Variants in PRPF8 observed in about 807,000 individuals in gnomAD.
The protein encoded by PRPF8 is pre-mRNA-processing-splicing factor 8.
In PRPF8, 64 loss-of-function variants were observed where a neutral mutation model predicts 285.9. That is an observed-to-expected ratio of 0.22 (90% confidence interval 0.18 to 0.28). The LOEUF (loss-of-function observed/expected upper bound fraction) is 0.28. PRPF8 is among the 10% of genes least tolerant of loss of function. The pLI is 1.00. For missense variants in PRPF8, 1,426 were observed against 3,026.7 expected (o/e 0.47, Z 12.41); for synonymous variants, 1,325 against 1,118.2 (o/e 1.18, Z -3.69).
chr17:1,661,854 T>C lies in PRPF8; in HGVS notation c.4022+52A>G, dbSNP rs371163713. On this transcript the variant is annotated intron_variant, in intron 25 of 42. Transcript: ENST00000304992. This position sits in a 1 kb window ranked among gnomAD's most constrained non-coding sequence, Gnocchi z 7.3. ...GCCTAAAACTAAAGAAATACCCACT[T>C]CCCTTAGGGCCTGAGCAATAGGGTT... The C allele has an allele frequency of 6.2e-7, 1 of 1,613,964 alleles. No individual in the cohort carries two copies. Among genetic ancestry groups the C allele is most frequent in the Admixed American group, 1.7e-5 (1 of 59,978 alleles).
At position 1,673,313 on chromosome 17, in the gene PRPF8, G is replaced by C. The variant is rs1386352091; in HGVS notation, c.3657+44C>G. Reference sequence around the variant, plus strand: ...AAGACTCCGGTGACTGACCCAGGAAGTGCAGGCGCGTTCATGTCACTCCCA... The same window carrying C: ...AAGACTCCGGTGACTGACCCAGGAACTGCAGGCGCGTTCATGTCACTCCCA... On this transcript the variant is annotated intron_variant, in intron 23 of 42. Coordinates refer to ENST00000304992, the MANE Select transcript of PRPF8 (RefSeq NM_006445.4). This position sits in a 1 kb window ranked among gnomAD's most constrained non-coding sequence, Gnocchi z 5.5. 1.9e-6 allele frequency: 3 copies of C among 1,610,266 alleles called. No homozygotes were observed. The highest frequency in any genetic ancestry group is 2.5e-6 in the Non-Finnish European group (3 of 1,177,138).
Position 1,661,179 on chromosome 17 carries a change from G to A in PRPF8, c.4339-17C>T. 1 of 1,614,144 alleles carries A rather than the reference G, an allele frequency of 6.2e-7. No individual in the cohort carries two copies. Among genetic ancestry groups the A allele is most frequent in the Non-Finnish European group, 8.5e-7 (1 of 1,180,042 alleles). On this transcript the variant is annotated splice_polypyrimidine_tract_variant and intron_variant, in intron 27 of 42. Transcript: ENST00000304992. The surrounding 1 kb of genome is among the most constrained non-coding windows in gnomAD (Gnocchi z 7.3). The stretch of plus-strand genomic sequence containing the variant: ...CTTCAAAACCTAGATGGCAAGGCAG[G>A]CACGGTCAAGCTTCTGGGTGCCTAT...
intron 24 of PRPF8, among the ~76,000 whole-genome samples, chr17:1,672,362 G>A (rs1430763079): frequency 2.0e-5 from 3 of 152,096 alleles, no homozygotes; most frequent in Non-Finnish European, 2.9e-5. Context: ...TCACAGCAAC[G>A]TCCGCCTCCT....
chr17:1,665,079 G>C (rs574505452), intron 24 of PRPF8, among the ~76,000 whole-genome samples: 6 of 146,044 alleles, frequency 4.1e-5, no homozygotes, highest in South Asian at 2.2e-4. Context: ...AGAATCGCTT[G>C]AACAGGGTAG....
At position 1,665,980 on chromosome 17, in the gene PRPF8, G is replaced by A. The variant is rs540982831; in HGVS notation, c.3775-3827C>T. On this transcript the variant is annotated intron_variant, in intron 24 of 42. Transcript: ENST00000304992. Reference sequence around the variant, plus strand: ...AGATCGAGACCATCCTCGCAAACACGGTGAAACCGCGTCGTAGTAAAAATA... The same window carrying A: ...AGATCGAGACCATCCTCGCAAACACAGTGAAACCGCGTCGTAGTAAAAATA... Among the ~76,000 whole-genome samples the A allele has an allele frequency of 8.0e-5, 7 of 87,092 alleles. No homozygotes were observed. The East Asian group carries it at 1.8e-3, about 22-fold the overall frequency. 57.1% of individuals were successfully genotyped at this position (87,092 alleles called of 152,430 possible). A position where few individuals can be genotyped will look rare whatever the true frequency, so the allele number is the denominator to read the frequency against.
chr17:1,678,264 A>G (rs1912717203), intron 13 of PRPF8, among the ~76,000 whole-genome samples: 1 of 152,144 alleles, frequency 6.6e-6, no homozygotes, highest in Non-Finnish European at 1.5e-5. Flanking sequence ...GTGGTGAGCC[A>G]AGATCGTGCC....
At chr17:1,671,181 T>G (rs1165501973) in intron 24 of PRPF8, among the ~76,000 whole-genome samples, 4 of 152,212 alleles carry the variant, frequency 2.6e-5, no homozygotes, top group African/African-American at 9.6e-5. Flanking sequence ...CTCACCTGTC[T>G]CATCACATGC....
In PRPF8 at chr17:1,659,737, G is replaced by A. The variant is rs978018428; in HGVS notation, c.4946+104C>T. The A allele has an allele frequency of 6.8e-6, 10 of 1,479,626 alleles. No homozygotes were observed. The highest frequency in any genetic ancestry group is 1.4e-5 in the African/African-American group (1 of 71,904). The allele number at this position is 1,479,626 out of a possible 1,614,324, so 91.7% of individuals were successfully genotyped here. A position where few individuals can be genotyped will look rare whatever the true frequency, so the allele number is the denominator to read the frequency against. Reference sequence around the variant, plus strand: ...GCTCCAAGCGTAGCACTGGCTCCAAGTTTGAAACAAAGGCAGACAGGACAA... The same window carrying A: ...GCTCCAAGCGTAGCACTGGCTCCAAATTTGAAACAAAGGCAGACAGGACAA... On this transcript the variant is annotated intron_variant, in intron 31 of 42. Transcript: ENST00000304992. The surrounding 1 kb of genome is among the most constrained non-coding windows in gnomAD (Gnocchi z 5.1).
In PRPF8 at chr17:1,674,668, T is replaced by C; in HGVS notation, c.3073A>G (p.Thr1025Ala). 1 of 1,613,718 alleles carries C rather than the reference T, an allele frequency of 6.2e-7. No individual in the cohort carries two copies. Among genetic ancestry groups the C allele is most frequent in the Non-Finnish European group, 8.5e-7 (1 of 1,179,774 alleles). The change falls in exon 21 of 43, where the codon ACG (threonine) becomes GCG (alanine). Residue 1025 changes from threonine to alanine, a missense_variant. This residue lies in a region of PRPF8 where 32 missense variants were observed against 89.2 expected (regional missense o/e 0.36). Transcript: ENST00000304992. The part of the protein sequence containing the change: ...VVINYKDMNH[T>A]NSYGIIRGLQ... Reference sequence around the variant, plus strand: ...CCTCTGATGATCCCATATGAATTCGTATGGTTCATGTCCTAGAAAGAAAGA... The same window carrying C: ...CCTCTGATGATCCCATATGAATTCGCATGGTTCATGTCCTAGAAAGAAAGA...
At chr17:1,655,635 T>C (rs1362337812) in intron 36 of PRPF8, 92 bp from the exon 37 acceptor site, 1 of 1,249,026 alleles carries the variant, frequency 8.0e-7, no homozygotes, top group African/African-American at 1.5e-5. Flanking sequence ...GAATTTTTTT[T>C]TTTTCTTTTG....
At position 1,651,856 on chromosome 17, in the gene PRPF8, T is replaced by C. The variant is rs1034039788; in HGVS notation, c.6370-68A>G. ...AGGTCAGAGTTGGAGCTGCCAGCCC[T>C]CTGTTTCCTTCCTTCCCCCAAGAAC... On this transcript the variant is annotated intron_variant, in intron 39 of 42. Transcript: ENST00000304992. This position sits in a 1 kb window ranked among gnomAD's most constrained non-coding sequence, Gnocchi z 5.1. The C allele has an allele frequency of 6.4e-6, 10 of 1,558,538 alleles. No individual in the cohort carries two copies. Among genetic ancestry groups the C allele is most frequent in the South Asian group, 1.1e-5 (1 of 89,992 alleles).
chr17:1,682,083 C>G, intron 4 of PRPF8, 45 bp from the exon 5 acceptor site: 1 of 1,613,074 alleles, frequency 6.2e-7, no homozygotes, highest in Non-Finnish European at 8.5e-7. Context: ...CACTGCCTCC[C>G]AACCACCACC....
rs549065686 is a variant in PRPF8, at chr17:1,673,245, G to T, written c.3658-48C>A. On this transcript the variant is annotated intron_variant, in intron 23 of 42. Coordinates refer to ENST00000304992, the MANE Select transcript of PRPF8 (RefSeq NM_006445.4). The surrounding 1 kb of genome is among the most constrained non-coding windows in gnomAD (Gnocchi z 5.5). Reference sequence around the variant, plus strand: ...ACATGTCCGAGGAACTCCCACAGAAGCAAGAGCCAACTGTGCCCACCACTC... The same window carrying T: ...ACATGTCCGAGGAACTCCCACAGAATCAAGAGCCAACTGTGCCCACCACTC... 3 of 1,608,502 alleles carry T rather than the reference G, an allele frequency of 1.9e-6. No individual in the cohort carries two copies. Among genetic ancestry groups the T allele is most frequent in the Admixed American group, 1.7e-5 (1 of 59,982 alleles).
intron 8 of PRPF8, 73 bp downstream of exon 8, chr17:1,680,653 G>T: frequency 7.3e-7 from 1 of 1,371,926 alleles, no homozygotes; most frequent in Non-Finnish European, 1.0e-6. Flanking sequence ...CCACCTGAGC[G>T]TTTAGTAACA....
At position 1,665,959 on chromosome 17, in the gene PRPF8, C is replaced by T. The variant is rs527617604; in HGVS notation, c.3775-3806G>A. 9.3e-5 allele frequency among the ~76,000 whole-genome samples: 14 copies of T among 149,894 alleles called. No homozygotes were observed. The South Asian group carries it at 1.7e-3, about 18-fold the overall frequency. On this transcript the variant is annotated intron_variant, in intron 24 of 42. Coordinates refer to ENST00000304992, the MANE Select transcript of PRPF8 (RefSeq NM_006445.4). ...GCTGATCAGGTGGTGGTCAGGAGAT[C>T]GAGACCATCCTCGCAAACACGGTGA... is the stretch of plus-strand genomic sequence containing the variant.
In PRPF8 at chr17:1,661,899, G is replaced by T. The variant is rs1381075130; in HGVS notation, c.4022+7C>A. On this transcript the variant is annotated splice_region_variant and intron_variant, in intron 25 of 42. Transcript: ENST00000304992. This position sits in a 1 kb window ranked among gnomAD's most constrained non-coding sequence, Gnocchi z 7.3. ...AGGGTTTAGAAATACGTTGAACCAG[G>T]CTGTACCTGAGGTCGGATTGGGGGA... The T allele has an allele frequency of 6.2e-7, 1 of 1,614,042 alleles. No homozygotes were observed. The highest frequency in any genetic ancestry group is 8.5e-7 in the Non-Finnish European group (1 of 1,180,052).
chr17:1,660,021 G>A lies in PRPF8; in HGVS notation c.4786-20C>T. The A allele has an allele frequency of 6.2e-7, 1 of 1,612,916 alleles. No individual in the cohort carries two copies. Among genetic ancestry groups the A allele is most frequent in the East Asian group, 2.2e-5 (1 of 44,884 alleles). On this transcript the variant is annotated intron_variant, in intron 30 of 42. Transcript: ENST00000304992. The stretch of plus-strand genomic sequence containing the variant: ...AAACACCTGAAGGAAAACATGGAGA[G>A]ATTAAGACTTGTTAAGGAAGCCCAA...
At chr17:1,660,882 C>T in intron 28 of PRPF8, 55 bp from the exon 29 acceptor site, 1 of 1,612,894 alleles carries the variant, frequency 6.2e-7, no homozygotes, top group Admixed American at 1.7e-5. Flanking sequence ...CAGCACACTG[C>T]TAACCTCCTG....
chr17:1,680,907 T>C (rs1457672311), intron 7 of PRPF8, 22 bp downstream of exon 7: 2 of 1,614,154 alleles, frequency 1.2e-6, no homozygotes, highest in East Asian at 4.5e-5. Flanking sequence ...CCTTTCCAAA[T>C]GTTGTGTTCC....
Sources: gnomAD v4.1 joint callset for allele counts (sites outside exome capture counted in the v4.1 genomes callset) on GRCh38, gnomAD v4.1.1 for gene constraint, gnomAD v4.1.1 regional missense constraint, Gnocchi (gnomAD v3.1) non-coding constraint, MANE v1.5 for transcripts, NCBI Gene and HGNC (gene_info 2026-07-23, HGNC 2026-07-21) for gene names.